ANK1: variants seen among roughly 807,000 people sequenced by gnomAD.
The protein encoded by ANK1 is ankyrin-1.
In ANK1, 51 loss-of-function variants were observed where a neutral mutation model predicts 210.4. The observed-to-expected ratio is 0.24, with a 90% CI of 0.19 to 0.31. The LOEUF (loss-of-function observed/expected upper bound fraction) is 0.31. Ranked by LOEUF, ANK1 falls within the 10% of genes least tolerant of loss-of-function variation. The probability of loss-of-function intolerance (pLI) is 1.00; values close to 1 mark genes in which losing one functional copy is unlikely to be tolerated. For missense variants in ANK1, 2,051 were observed against 2,504.4 expected (o/e 0.82, Z 3.86); for synonymous variants, 967 against 1,025.9 (o/e 0.94, Z 1.10).
At chr8:41,896,347 C>G in intron 1 of ANK1, 1 of 1,590,680 alleles carries the variant, frequency 6.3e-7, no homozygotes, top group Non-Finnish European at 8.6e-7. Context: ...ACCGCCGCCC[C>G]CTCCTACCTT....
At chr8:41,715,206 G>T in intron 14 of ANK1, 132 bp from the exon 15 acceptor site, 1 of 830,204 alleles carries the variant, frequency 1.2e-6, no homozygotes. Context: ...AGCCATTTTT[G>T]AGCCCTCTGG....
At chr8:41,753,417 T>G in intron 2 of ANK1, among the ~76,000 whole-genome samples, 1 of 151,454 alleles carries the variant, frequency 6.6e-6, no homozygotes, top group East Asian at 2.0e-4. Context: ...ACTGTCCCCC[T>G]CCCCCAGACC....
chr8:41,803,234 T>G (rs1237968962), intron 1 of ANK1: 2 of 152,096 alleles, frequency 1.3e-5, no homozygotes, highest in Non-Finnish European at 2.9e-5. Flanking sequence ...CTTTGCCCTC[T>G]TGTTTGATAT....
At chr8:41,786,683 C>T (rs543960574) in intron 1 of ANK1, among the ~76,000 whole-genome samples, 7 of 152,276 alleles carry the variant, frequency 4.6e-5, no homozygotes, top group Non-Finnish European at 7.4e-5. Flanking sequence ...TTGTGGTGGT[C>T]GGTGCCACAC....
intron 1 of ANK1, among the ~76,000 whole-genome samples, chr8:41,892,891 T>G (rs150851731): frequency 6.6e-6 from 1 of 152,304 alleles, no homozygotes; most frequent in East Asian, 1.9e-4. Context: ...TAGGACATGG[T>G]CTTTTCTTTC....
At chr8:41,765,099 TTCCC>T (rs1841443456) in intron 1 of ANK1, among the ~76,000 whole-genome samples, 1 of 151,556 alleles carries the variant, frequency 6.6e-6, no homozygotes, top group Non-Finnish European at 1.5e-5. Context: ...CTTTGCCTCC[TTCCC>T]TCCTTCCTTC....
rs533315440 is a variant in ANK1 at position 41,818,546 on chromosome 8, C to T, written c.127-60409G>A. Among the ~76,000 whole-genome samples, 22 of 152,198 alleles carry T rather than the reference C, an allele frequency of 1.4e-4. 1 individual carries two copies. The East Asian group carries it at 3.9e-3, about 27-fold the overall frequency. ...TTTCAAATATAGCCAATTTATTTAT[C>T]CCAGAGGTAGTGACTCAAACCAATA... is the stretch of plus-strand genomic sequence containing the variant. On this transcript the variant is annotated intron_variant, in intron 1 of 42. Coordinates refer to the ANK1 transcript ENST00000265709.
chr8:41,880,135 A>T (rs1463350553), intron 1 of ANK1, among the ~76,000 whole-genome samples: 2 of 152,212 alleles, frequency 1.3e-5, no homozygotes, highest in Non-Finnish European at 2.9e-5. Context: ...AAGAAGAAAA[A>T]CATTTTGTAA....
intron 1 of ANK1, among the ~76,000 whole-genome samples, chr8:41,794,690 T>G (rs1448549184): frequency 2.6e-5 from 4 of 152,186 alleles, no homozygotes; most frequent in Non-Finnish European, 5.9e-5. Context: ...AAATGCTTGT[T>G]AAAGGTTTTT....
intron 20 of ANK1, among the ~76,000 whole-genome samples, chr8:41,703,439 TA>T (rs1563491633): frequency 2.7e-4 from 20 of 73,034 alleles, no homozygotes; most frequent in Non-Finnish European, 4.3e-4. Flanking sequence ...TATATATATA[TA>T]TATATATATA....
intron 1 of ANK1, among the ~76,000 whole-genome samples, chr8:41,864,486 C>G (rs1181336846): frequency 2.0e-5 from 3 of 152,126 alleles, no homozygotes; most frequent in African/African-American, 7.2e-5. Context: ...TGAGTCCTCC[C>G]CACTCTCCCT....
intron 1 of ANK1, among the ~76,000 whole-genome samples, chr8:41,835,084 G>A (rs1432179450): frequency 6.6e-6 from 1 of 152,264 alleles, no homozygotes; most frequent in Non-Finnish European, 1.5e-5. Context: ...TTAGGTCAGA[G>A]CAGCTACAAG....
At chr8:41,762,653 AAAACC>A (rs1306330142) in intron 1 of ANK1, among the ~76,000 whole-genome samples, 1 of 152,222 alleles carries the variant, frequency 6.6e-6, no homozygotes, top group African/African-American at 2.4e-5. Flanking sequence ...GTTTCCAGAG[AAAACC>A]CAGTCAAGGT....
At chr8:41,681,084 G>T (rs1208465335) in intron 37 of ANK1, among the ~76,000 whole-genome samples, 1 of 152,238 alleles carries the variant, frequency 6.6e-6, no homozygotes, top group Non-Finnish European at 1.5e-5. Context: ...TGCTGACCCA[G>T]AGGTAATAAT....
At chr8:41,865,978 G>A (rs1377943407) in intron 1 of ANK1, among the ~76,000 whole-genome samples, 1 of 152,172 alleles carries the variant, frequency 6.6e-6, no homozygotes, top group Non-Finnish European at 1.5e-5. Context: ...CAGTGCCCCT[G>A]CTAACCCAGA....
chr8:41,824,496 T>C (rs1805010323), intron 1 of ANK1, among the ~76,000 whole-genome samples: 5 of 152,186 alleles, frequency 3.3e-5, no homozygotes. Flanking sequence ...TCTCGCTGCT[T>C]TCATGTCACC....
In ANK1 at chr8:41,724,489, G is replaced by A; in HGVS notation, c.678C>T (p.Leu226=). 1 of 1,598,086 alleles carries A rather than the reference G, an allele frequency of 6.3e-7. No individual in the cohort carries two copies. The highest frequency in any genetic ancestry group is 8.5e-7 in the Non-Finnish European group (1 of 1,172,412). The change falls in exon 7 of 43, where the codon CTC becomes CTT. Residue 226 remains leucine, a synonymous_variant. Transcript: ENST00000289734. The stretch of plus-strand genomic sequence containing the variant: ...TGAAATTGACGCTGGCTCCTCTGTT[G>A]AGGAGCAACTGGGCCACGTTGAGGT... The part of the protein sequence containing the change: ...YENLNVAQLL[L]NRGASVNFTP...
At chr8:41,743,814 A>C (rs1835387062) in intron 2 of ANK1, among the ~76,000 whole-genome samples, 1 of 152,134 alleles carries the variant, frequency 6.6e-6, no homozygotes, top group Admixed American at 6.6e-5. Flanking sequence ...TTCTTCATAT[A>C]TATATATATA....
intron 1 of ANK1, among the ~76,000 whole-genome samples, chr8:41,831,854 A>C (rs1409122588): frequency 6.6e-6 from 1 of 152,188 alleles, no homozygotes; most frequent in Non-Finnish European, 1.5e-5. Context: ...GAGTGCTACT[A>C]AGGAGCGAAT....
Sources: allele counts gnomAD v4.1 joint callset (sites outside exome capture counted in the v4.1 genomes callset), GRCh38; gene constraint gnomAD v4.1.1; transcripts MANE v1.5; gene names NCBI Gene and HGNC (gene_info 2026-07-23, HGNC 2026-07-21).